SLAMF1: variants seen among roughly 807,000 people sequenced by gnomAD.
SLAMF1 encodes signaling lymphocytic activation molecule family member 1.
A neutral mutation model predicts 35.1 loss-of-function variants in SLAMF1; 18 were observed. The ratio of observed to expected loss-of-function variants is 0.51; its 90% confidence interval spans 0.35 to 0.76. SLAMF1 has a LOEUF of 0.76. Ranked by LOEUF, SLAMF1 falls within the 30% of genes least tolerant of loss-of-function variation. SLAMF1 has a pLI of 0.01. For synonymous variants in SLAMF1, 168 were observed against 157.2 expected, an observed-to-expected ratio of 1.07 and a Z score of -0.51; for missense variants, 392 against 413.0, an observed-to-expected ratio of 0.95 and a Z score of 0.44.
At position 160,634,782 on chromosome 1, in the gene SLAMF1, A is replaced by G. The variant is rs1660344633; in HGVS notation, c.531T>C (p.Ser177=). ...EKGDHVAYSW[S]EKAGTHPLNP... ...TCAGTGGGTGGGTGCCCGCCTTTTC[A>G]CTCCAGCTGTAAGCCACATGGTCCC... Residue 177 remains serine, a synonymous_variant, in exon 3 of 7, where the codon AGT becomes AGC. Coordinates refer to ENST00000302035, the MANE Select transcript of SLAMF1 (RefSeq NM_003037.5). 1.2e-6 allele frequency: 2 copies of G among 1,613,760 alleles called. No individual in the cohort carries two copies. Among genetic ancestry groups the G allele is most frequent in the East Asian group, 4.5e-5 (2 of 44,846 alleles).
At position 160,647,013 on chromosome 1, in the gene SLAMF1, G is replaced by T. The variant is rs903480096; in HGVS notation, c.-68C>A. On this transcript the variant is annotated 5_prime_UTR_variant, in exon 1 of 7. Transcript: ENST00000302035. ...AGCTGCTCACAGATGCCAGGCAGAA[G>T]CAAGCTTCGTGTCATGCAGCAGAGG... 1.7e-4 allele frequency: 138 copies of T among 819,458 alleles called. 1 individual carries two copies. The highest frequency in any genetic ancestry group is 2.8e-4 in the Non-Finnish European group (131 of 473,118). The allele number at this position is 819,458 out of a possible 1,614,324, so 50.8% of individuals were successfully genotyped here.
intron 5 of SLAMF1, among the ~76,000 whole-genome samples, chr1:160,617,251 G>A (rs576524723): frequency 5.3e-5 from 8 of 152,138 alleles, no homozygotes; most frequent in African/African-American, 1.4e-4. Context: ...AAAACAGCTC[G>A]GCCTTATCTA....
In SLAMF1 at chr1:160,624,209, A is replaced by G. The variant is rs375510240; in HGVS notation, c.701-24T>C. The G allele has an allele frequency of 1.7e-4, 258 of 1,517,670 alleles. 1 individual carries two copies. The highest frequency in any genetic ancestry group is 2.2e-4 in the Non-Finnish European group (243 of 1,096,862). 94.0% of individuals were successfully genotyped at this position (1,517,670 alleles called of 1,614,324 possible). ...TTCTGGAAAAAAAAAGAAGTCAAAGAGCAATCTCAAAAGTATTCTGAGCTT... is the reference window on the plus strand; with the variant it reads ...TTCTGGAAAAAAAAAGAAGTCAAAGGGCAATCTCAAAAGTATTCTGAGCTT... On this transcript the variant is annotated intron_variant, in intron 3 of 6. Transcript: ENST00000302035.
Position 160,612,502 on chromosome 1 carries a change from G to A in SLAMF1, c.943C>T (p.Pro315Ser), listed in dbSNP as rs35207844. Reference sequence around the variant, plus strand: ...AGATGCCTCACCTGGACAGACTCTGGGACAGGCTCTGTGGCAGCAACATAT... The same window carrying A: ...AGATGCCTCACCTGGACAGACTCTGAGACAGGCTCTGTGGCAGCAACATAT... ...TIYVAATEPV[P>S]ESVQETNSIT... The change falls in exon 6 of 7, where the codon CCA becomes TCA. Residue 315 changes from proline (P) to serine (S), a missense_variant. Coordinates refer to ENST00000302035, the MANE Select transcript of SLAMF1 (RefSeq NM_003037.5). 2.5e-3 allele frequency: 4,062 copies of A among 1,609,868 alleles called. 107 individuals are homozygous for A. In the African/African-American group the frequency reaches 0.047, roughly 19 times the overall value.
In SLAMF1 at chr1:160,634,788, G is replaced by C; in HGVS notation, c.525C>G (p.Ser175Arg). 6.2e-7 allele frequency: 1 copy of C among 1,614,146 alleles called. No homozygotes were observed. Among genetic ancestry groups the C allele is most frequent in the Non-Finnish European group, 8.5e-7 (1 of 1,180,022 alleles). ...TVEKGDHVAY[S>R]WSEKAGTHPL... is the part of the protein sequence containing the mutation. ...GGTGGGTGCCCGCCTTTTCACTCCA[G>C]CTGTAAGCCACATGGTCCCCCTTCT... is the stretch of plus-strand genomic sequence containing the variant. Residue 175 changes from serine (S) to arginine (R), a missense_variant, in exon 3 of 7, where the codon AGC (serine) becomes AGG (arginine). Transcript: ENST00000302035.
intron 5 of SLAMF1, among the ~76,000 whole-genome samples, chr1:160,618,801 T>C (rs1471766812): frequency 2.6e-5 from 4 of 152,142 alleles, no homozygotes; most frequent in Non-Finnish European, 4.4e-5. Context: ...GAAGACACTA[T>C]GGTCAAGGTG....
intron 3 of SLAMF1, among the ~76,000 whole-genome samples, chr1:160,630,776 C>G (rs967015302): frequency 6.6e-6 from 1 of 152,128 alleles, no homozygotes; most frequent in African/African-American, 2.4e-5. Flanking sequence ...TGGTGTCACT[C>G]CTCTATCTAA....
chr1:160,620,906 A>G (rs1659574658), intron 4 of SLAMF1, among the ~76,000 whole-genome samples: 1 of 152,240 alleles, frequency 6.6e-6, no homozygotes, highest in African/African-American at 2.4e-5. Flanking sequence ...AAAAAGCCAC[A>G]TGTGGCTAGT....
At chr1:160,633,338 C>G (rs1165349052) in intron 3 of SLAMF1, among the ~76,000 whole-genome samples, 1 of 152,136 alleles carries the variant, frequency 6.6e-6, no homozygotes, top group East Asian at 1.9e-4. Context: ...AGGAAACATG[C>G]AGGGGGTTAG....
chr1:160,644,628 T>C (rs1382289237), intron 1 of SLAMF1, among the ~76,000 whole-genome samples: 2 of 152,232 alleles, frequency 1.3e-5, no homozygotes, highest in Non-Finnish European at 2.9e-5. Flanking sequence ...ACATCATGTG[T>C]CCTTAATAGT....
intron 3 of SLAMF1, 76 bp downstream of exon 3, chr1:160,634,537 G>T: frequency 6.8e-7 from 1 of 1,463,456 alleles, no homozygotes; most frequent in Non-Finnish European, 9.2e-7. Flanking sequence ...TGCCATGGCT[G>T]GGGAGCAATT....
chr1:160,610,643 C>T lies in SLAMF1; in HGVS notation c.*105G>A, dbSNP rs904247319. The T allele has an allele frequency of 4.3e-5, 34 of 781,908 alleles. No individual in the cohort carries two copies. Among genetic ancestry groups the T allele is most frequent in the Non-Finnish European group, 6.7e-5 (29 of 433,346 alleles). The allele number at this position is 781,908 out of a possible 1,614,324, so 48.4% of individuals were successfully genotyped here. A position where few individuals can be genotyped will look rare whatever the true frequency, so the allele number is the denominator to read the frequency against. ...GGAGTTGATCTGAGAAGGGTACAGACGTGCAGCATGTCTGCCAGAGGAAAC... is the reference window on the plus strand; with the variant it reads ...GGAGTTGATCTGAGAAGGGTACAGATGTGCAGCATGTCTGCCAGAGGAAAC... On this transcript the variant is annotated 3_prime_UTR_variant, in exon 7 of 7. Coordinates refer to ENST00000302035, the MANE Select transcript of SLAMF1 (RefSeq NM_003037.5).
intron 4 of SLAMF1, among the ~76,000 whole-genome samples, chr1:160,621,892 T>C (rs913926385): frequency 2.3e-4 from 25 of 106,752 alleles, no homozygotes; most frequent in African/African-American, 7.9e-4. Context: ...GTGTGTAAAA[T>C]GGAGGGGAGG....
chr1:160,637,345 G>T lies in SLAMF1; in HGVS notation c.261C>A (p.Gly87=). 6.2e-7 allele frequency: 1 copy of T among 1,614,022 alleles called. No homozygotes were observed. The highest frequency in any genetic ancestry group is 8.5e-7 in the Non-Finnish European group (1 of 1,179,926). ...AGCGATCTCCTAGATAACGTGGAGG[G>T]CCTGCTTCGGATGGATCAAGAGACA... is the stretch of plus-strand genomic sequence containing the variant. ...KIVSLDPSEA[G]PPRYLGDRYK... The change falls in exon 2 of 7, where the codon GGC becomes GGA. Residue 87 remains glycine (G), a synonymous_variant. Coordinates refer to ENST00000302035, the MANE Select transcript of SLAMF1 (RefSeq NM_003037.5).
chr1:160,640,325 C>CATATATATATAT (rs56785818), intron 1 of SLAMF1, among the ~76,000 whole-genome samples: 954 of 93,918 alleles, frequency 0.01, 11 homozygotes, highest in Middle Eastern at 0.016. Context: ...TTAGGTTTGT[C>CATATATATATAT]ATATATATAT....
intron 2 of SLAMF1, among the ~76,000 whole-genome samples, chr1:160,635,712 C>T (rs1249050973): frequency 6.6e-6 from 1 of 150,962 alleles, no homozygotes; most frequent in Non-Finnish European, 1.5e-5. Flanking sequence ...GCTGGGACTA[C>T]AGGTGCCCAC....
intron 3 of SLAMF1, among the ~76,000 whole-genome samples, chr1:160,633,132 G>A (rs1390257282): frequency 6.6e-6 from 1 of 152,150 alleles, no homozygotes; most frequent in Non-Finnish European, 1.5e-5. Flanking sequence ...GGACTTCCGG[G>A]GTCACATTCT....
At chr1:160,624,256 G>C in intron 3 of SLAMF1, 71 bp from the exon 4 acceptor site, 2 of 1,065,788 alleles carry the variant, frequency 1.9e-6, no homozygotes, top group South Asian at 2.6e-5. Context: ...ACATGAAAGT[G>C]GGATAATGGA....
At chr1:160,624,272 A>G (rs1290473780) in intron 3 of SLAMF1, 87 bp from the exon 4 acceptor site, 2 of 942,920 alleles carry the variant, frequency 2.1e-6, no homozygotes, top group African/African-American at 1.7e-5. Flanking sequence ...ATGGAGCCTC[A>G]TGTTCTATTT....
Sources: allele counts gnomAD v4.1 joint callset (sites outside exome capture counted in the v4.1 genomes callset), GRCh38; gene constraint gnomAD v4.1.1; transcripts MANE v1.5; gene names NCBI Gene and HGNC (gene_info 2026-07-23, HGNC 2026-07-21).